The following HLA-DRB5 variants were observed in gnomAD, a reference collection of about 807,000 sequenced individuals.
The protein encoded by HLA-DRB5 is DR beta-5.
A neutral mutation model predicts 22.4 loss-of-function variants in HLA-DRB5; 11 were observed. The ratio of observed to expected loss-of-function variants is 0.49; its 90% CI spans 0.31 to 0.81. The LOEUF (loss-of-function observed/expected upper bound fraction) is 0.81, where lower values mean the gene tolerates loss of function less well. Ranked by LOEUF, HLA-DRB5 falls within the 40% of genes least tolerant of loss-of-function variation. The pLI, the probability that HLA-DRB5 is intolerant of heterozygous loss-of-function variation, is 0.05. For synonymous variants in HLA-DRB5, 57 were observed against 106.0 expected (o/e 0.54, Z 2.84); for missense variants, 106 against 274.4 (o/e 0.39, Z 4.34).
At chr6:32,524,502 T>C (rs111428535) in intron 1 of HLA-DRB5, among the ~76,000 whole-genome samples, 125 of 83,650 alleles carry the variant, frequency 1.5e-3, no homozygotes, top group Non-Finnish European at 2.2e-3. Flanking sequence ...CTTGGTTTTG[T>C]AGTCAAGTCC....
rs1213097021 is a variant in HLA-DRB5 at position 32,524,878 on chromosome 6, G to A, written c.101-2704C>T. On this transcript the variant is annotated intron_variant, in intron 1 of 5. Coordinates refer to ENST00000374975, the MANE Select transcript of HLA-DRB5 (RefSeq NM_002125.4). ...TCCAATAAATTGTGGTCGTGTGTCT[G>A]AAATTCAGATTTAACTAGGAACCTG... 4.7e-3 allele frequency among the ~76,000 whole-genome samples: 229 copies of A among 48,674 alleles called. 12 individuals carry two copies. The highest frequency in any genetic ancestry group is 0.038 in the East Asian group (62 of 1,638). 31.9% of individuals were successfully genotyped at this position (48,674 alleles called of 152,430 possible). A position where few individuals can be genotyped will look rare whatever the true frequency, so the allele number is the denominator to read the frequency against.
intron 2 of HLA-DRB5, among the ~76,000 whole-genome samples, chr6:32,520,417 G>GTTCCTAAAAAAGCATGAGTCCTAAAGCT (rs1768689672): frequency 1.7e-5 from 1 of 57,160 alleles, no homozygotes; most frequent in Non-Finnish European, 3.4e-5. Context: ...CAATCTTTAA[G>GTTCCTAAAAAAGCATGAGTCCTAAAGCT]TTCCCAGCAA....
intron 1 of HLA-DRB5, among the ~76,000 whole-genome samples, chr6:32,528,438 T>C (rs116700313): frequency 1.4e-5 from 1 of 71,428 alleles, no homozygotes; most frequent in Non-Finnish European, 2.8e-5. Flanking sequence ...TGGTTTATAT[T>C]AATAAACCAT....
Position 32,530,212 on chromosome 6 carries a change from T to TGAGACACAC in HLA-DRB5, c.12_13insGTGTGTCTC (p.Val2_Leu4dup). 6.7e-7 allele frequency: 1 copy of TGAGACACAC among 1,489,908 alleles called. No individual in the cohort carries two copies. Among genetic ancestry groups the TGAGACACAC allele is most frequent in the Admixed American group, 1.7e-5 (1 of 57,978 alleles). The allele number at this position is 1,489,908 out of a possible 1,614,324, so 92.3% of individuals were successfully genotyped here. A position where few individuals can be genotyped will look rare whatever the true frequency, so the allele number is the denominator to read the frequency against. On this transcript the variant is annotated inframe_insertion, in exon 1 of 6. Transcript: ENST00000374975. ...GCCATGTAGGAACCTCCAGGGAGCT[T>TGAGACACAC]CAGACACACCATGCTGGAGAACAGG...
At position 32,521,947 on chromosome 6, in the gene HLA-DRB5, GTC is replaced by G. The variant is rs781723874; in HGVS notation, c.326_327del (p.Arg109ThrfsTer7). The stretch of plus-strand genomic sequence containing the variant: ...AAGCTCTCACCAACCCCGTAGTTGT[GTC>G]TGCAGTAGGTGTCCACCGCGGCGCG... ...DRRAAVDTYC[R>X]HNYGVGESFT... On this transcript the variant is annotated frameshift_variant, in exon 2 of 6. Transcript: ENST00000374975. LOFTEE classifies it high-confidence loss of function. The G allele has an allele frequency of 2.6e-4, 364 of 1,389,478 alleles. 39 individuals carry two copies. The South Asian group carries it at 2.8e-3, about 11-fold the overall frequency. 86.1% of individuals were successfully genotyped at this position (1,389,478 alleles called of 1,614,324 possible). A position where few individuals can be genotyped will look rare whatever the true frequency, so the allele number is the denominator to read the frequency against.
chr6:32,520,400 G>C (rs879611914), intron 2 of HLA-DRB5, among the ~76,000 whole-genome samples: 6,942 of 50,132 alleles, frequency 0.14, 70 homozygotes, highest in Middle Eastern at 0.24. Flanking sequence ...AGACAGAAAT[G>C]GTTCTCCAAT....
chr6:32,524,467 A>T (rs369213451), intron 1 of HLA-DRB5, among the ~76,000 whole-genome samples: 6,358 of 59,586 alleles, frequency 0.11, no homozygotes, highest in Admixed American at 0.12. Context: ...GCATCAAATT[A>T]CCAGCCTTGG....
At chr6:32,520,100 C>A (rs141968145) in intron 2 of HLA-DRB5, among the ~76,000 whole-genome samples, 1,856 of 31,794 alleles carry the variant, frequency 0.058, 548 homozygotes, top group East Asian at 0.093. Flanking sequence ...GATTAATGCA[C>A]ATAAAATATA....
chr6:32,523,618 G>A (rs1769228486), intron 1 of HLA-DRB5, among the ~76,000 whole-genome samples: 1 of 86,320 alleles, frequency 1.2e-5, no homozygotes, highest in Admixed American at 1.4e-4. Flanking sequence ...AGGTAGTGCT[G>A]ACCAACAACT....
chr6:32,528,395 C>T (rs994647632), intron 1 of HLA-DRB5, among the ~76,000 whole-genome samples: 1 of 141,504 alleles, frequency 7.1e-6, no homozygotes, highest in Non-Finnish European at 1.5e-5. Context: ...AGAAGGGAGC[C>T]CAGTACAGAG....
intron 1 of HLA-DRB5, among the ~76,000 whole-genome samples, chr6:32,524,550 TACAG>T (rs199690624): frequency 0.04 from 2,844 of 70,738 alleles, 630 homozygotes; most frequent in Middle Eastern, 0.085. Context: ...GACGTTCTCA[TACAG>T]ACAGTTTACA....
chr6:32,529,654 TCTC>T (rs1770104351), intron 1 of HLA-DRB5, among the ~76,000 whole-genome samples: 1 of 97,116 alleles, frequency 1.0e-5, no homozygotes, highest in Non-Finnish European at 2.1e-5. Flanking sequence ...CTGGGTCCAT[TCTC>T]ACATATGAGG....
chr6:32,524,182 A>G (rs145606733), intron 1 of HLA-DRB5, among the ~76,000 whole-genome samples: 49,721 of 102,356 alleles, frequency 0.49, 18,395 homozygotes, highest in Middle Eastern at 0.65. Flanking sequence ...TTGGTCCTAC[A>G]TAAAACGAAT....
Position 32,522,358 on chromosome 6 carries a change from C to A in HLA-DRB5, c.101-184G>T, listed in dbSNP as rs1295418462. ...CGTCTTCCTGAGGCGAACGGGGTGTCTGGGGGACCAGGCAGGAAAACCCCT... is the reference window on the plus strand; with the variant it reads ...CGTCTTCCTGAGGCGAACGGGGTGTATGGGGGACCAGGCAGGAAAACCCCT... On this transcript the variant is annotated intron_variant, in intron 1 of 5. Coordinates refer to ENST00000374975, the MANE Select transcript of HLA-DRB5 (RefSeq NM_002125.4). Among the ~76,000 whole-genome samples, 79 of 29,750 alleles carry A rather than the reference C, an allele frequency of 2.7e-3. 1 individual carries two copies. The highest frequency in any genetic ancestry group is 4.6e-3 in the Admixed American group (10 of 2,186). 19.5% of individuals were successfully genotyped at this position (29,750 alleles called of 152,430 possible).
intron 2 of HLA-DRB5, among the ~76,000 whole-genome samples, chr6:32,521,637 G>T (rs191136621): frequency 7.2e-4 from 43 of 59,524 alleles, no homozygotes; most frequent in Middle Eastern, 0.011. Context: ...CCCCACAGAG[G>T]CCTCCAAGGA....
At chr6:32,519,947 C>T (rs10947296) in intron 2 of HLA-DRB5, among the ~76,000 whole-genome samples, 18,076 of 49,334 alleles carry the variant, frequency 0.37, 4,889 homozygotes, top group Middle Eastern at 0.62. Context: ...AAAACTGATA[C>T]CTGAGCCAGG....
intron 1 of HLA-DRB5, among the ~76,000 whole-genome samples, chr6:32,523,818 A>AGGCCGGGCGC (rs1297317675): frequency 1.7e-5 from 2 of 118,144 alleles, no homozygotes; most frequent in Admixed American, 1.9e-4. Flanking sequence ...ATGTGAGTCT[A>AGGCCGGGCGC]GAATTTTCAG....
At chr6:32,519,012 C>T (rs112416944) in intron 3 of HLA-DRB5, among the ~76,000 whole-genome samples, 4,764 of 75,778 alleles carry the variant, frequency 0.063, no homozygotes, top group Non-Finnish European at 0.075. Flanking sequence ...AAGGCCCCTA[C>T]ACTTCTCCTC....
intron 1 of HLA-DRB5, among the ~76,000 whole-genome samples, chr6:32,529,135 C>A (rs199766842): frequency 0.048 from 6,098 of 127,428 alleles, 5 homozygotes; most frequent in Admixed American, 0.058. Flanking sequence ...TAGGACAAGA[C>A]CCCAGTAAGA....
Sources: gnomAD v4.1 joint callset for allele counts (sites outside exome capture counted in the v4.1 genomes callset) on GRCh38, gnomAD v4.1.1 for gene constraint, MANE v1.5 for transcripts, NCBI Gene and HGNC (gene_info 2026-07-23, HGNC 2026-07-21) for gene names.